The following NCMAP variants were observed in gnomAD, a reference collection of about 807,000 sequenced individuals.
NCMAP encodes non-compact myelin associated protein.
In NCMAP, 8 loss-of-function variants were observed where a neutral mutation model predicts 7.8. That is an observed-to-expected ratio of 1.02 (90% CI 0.60 to 1.84). The LOEUF is 1.84. Ranked by LOEUF, NCMAP falls within the 40% of genes most tolerant of loss-of-function variation. The pLI is 0.00. For missense variants in NCMAP, 112 were observed against 131.4 expected, an observed-to-expected ratio of 0.85 and a Z score of 0.72; for synonymous variants, 41 against 52.9, an observed-to-expected ratio of 0.78 and a Z score of 0.98.
intron 1 of NCMAP, among the ~76,000 whole-genome samples, chr1:24,564,905 C>G (rs369563836): frequency 7.9e-5 from 12 of 152,190 alleles, no homozygotes; most frequent in African/African-American, 1.2e-4. Context: ...CTCTTTCAAT[C>G]CAGAATTTTA....
chr1:24,586,327 C>T (rs569189970), intron 1 of NCMAP, among the ~76,000 whole-genome samples: 5 of 152,310 alleles, frequency 3.3e-5, no homozygotes, highest in African/African-American at 1.2e-4. Flanking sequence ...TCAAGGCTAA[C>T]AGGGATCAAT....
At chr1:24,568,299 A>T (rs954314510) in intron 1 of NCMAP, among the ~76,000 whole-genome samples, 14 of 152,356 alleles carry the variant, frequency 9.2e-5, no homozygotes, top group African/African-American at 2.9e-4. Flanking sequence ...CACAGCAGGA[A>T]GGAGAGGGAA....
rs529204244 is a variant in NCMAP at position 24,605,633 on chromosome 1, G to A, written c.195G>A (p.Glu65=). 1.9e-6 allele frequency: 3 copies of A among 1,614,218 alleles called. No homozygotes were observed. Among genetic ancestry groups the A allele is most frequent in the South Asian group, 2.2e-5 (2 of 91,088 alleles). Residue 65 remains glutamate (E), a synonymous_variant, in exon 4 of 4, where the codon GAG becomes GAA. Transcript: ENST00000374392. The stretch of plus-strand genomic sequence containing the variant: ...AAATGAGGACGAGGCGGGAACTAGA[G>A]CCCAAGGGCCCCAAGCCAACCGCCC... ...NRKMRTRREL[E]PKGPKPTAPS...
At position 24,594,869 on chromosome 1, in the gene NCMAP, C is replaced by A. The variant is rs577345264; in HGVS notation, c.-7-555C>A. 5.3e-5 allele frequency among the ~76,000 whole-genome samples: 8 copies of A among 150,858 alleles called. No individual in the cohort carries two copies. In the East Asian group the frequency reaches 1.4e-3, roughly 26 times the overall value. On this transcript the variant is annotated intron_variant, in intron 1 of 3. Coordinates refer to ENST00000374392, the MANE Select transcript of NCMAP (RefSeq NM_001010980.5). The stretch of plus-strand genomic sequence containing the variant: ...TTGCACCACTGCACTCCAGCCTGGG[C>A]GACAGGGCAAGACCTTTATGTAAAA...
In NCMAP at chr1:24,607,404, T is replaced by C. The variant is rs1271565638; in HGVS notation, c.*1657T>C. On this transcript the variant is annotated 3_prime_UTR_variant, in exon 4 of 4. Transcript: ENST00000374392. ...AAATCAGAACATATCTTGCAATTGA[T>C]GGGTTCATTAATATAATTGTAGTTC... is the stretch of plus-strand genomic sequence containing the variant. 2.6e-5 allele frequency: 4 copies of C among 152,156 alleles called. No homozygotes were observed. Among genetic ancestry groups the C allele is most frequent in the Admixed American group, 1.3e-4 (2 of 15,262 alleles). 9.4% of individuals were successfully genotyped at this position (152,156 alleles called of 1,614,324 possible).
chr1:24,595,200 A>T (rs544430711), intron 1 of NCMAP, among the ~76,000 whole-genome samples: 3 of 152,174 alleles, frequency 2.0e-5, no homozygotes, highest in Non-Finnish European at 4.4e-5. Context: ...TGGTTGAATA[A>T]ATTTAAGCAG....
At chr1:24,590,834 T>C (rs1652026378) in intron 1 of NCMAP, among the ~76,000 whole-genome samples, 1 of 152,190 alleles carries the variant, frequency 6.6e-6, no homozygotes, top group African/African-American at 2.4e-5. Context: ...GATTTCCCTG[T>C]CTCTAAGTTA....
chr1:24,602,588 A>G (rs979658043), intron 3 of NCMAP, among the ~76,000 whole-genome samples: 1 of 135,098 alleles, frequency 7.4e-6, no homozygotes, highest in Non-Finnish European at 1.5e-5. Flanking sequence ...AAAAAAAAAA[A>G]AAAAGAATAT....
At chr1:24,592,406 C>T (rs1164062000) in intron 1 of NCMAP, among the ~76,000 whole-genome samples, 7 of 151,908 alleles carry the variant, frequency 4.6e-5, no homozygotes, top group South Asian at 2.1e-4. Flanking sequence ...GTAGGTGCCA[C>T]GTTGATATTT....
intron 1 of NCMAP, among the ~76,000 whole-genome samples, chr1:24,585,033 A>C (rs1404436624): frequency 6.6e-6 from 1 of 151,970 alleles, no homozygotes; most frequent in African/African-American, 2.4e-5. Flanking sequence ...GGGTAAATGG[A>C]GCAGAAAATG....
At chr1:24,562,245 T>G (rs1036330656) in intron 1 of NCMAP, among the ~76,000 whole-genome samples, 8 of 152,230 alleles carry the variant, frequency 5.3e-5, no homozygotes, top group African/African-American at 1.7e-4. Context: ...ACAAGAATAA[T>G]TAACATTTTT....
intron 1 of NCMAP, among the ~76,000 whole-genome samples, chr1:24,578,216 A>G (rs1651642403): frequency 6.9e-6 from 1 of 144,140 alleles, no homozygotes; most frequent in South Asian, 2.2e-4. Context: ...AGATCATGCC[A>G]TTGCACTCCA....
chr1:24,577,970 T>G (rs77532731), intron 1 of NCMAP, among the ~76,000 whole-genome samples: 52,703 of 151,852 alleles, frequency 0.35, 9,965 homozygotes, highest in African/African-American at 0.5. Context: ...GTCTAAAAAA[T>G]GTACCAAATA....
rs1173299461 is a variant in NCMAP, at chr1:24,594,188, G to A, written c.-7-1236G>A. On this transcript the variant is annotated intron_variant, in intron 1 of 3. Coordinates refer to ENST00000374392, the MANE Select transcript of NCMAP (RefSeq NM_001010980.5). ...ATTACCGGCATAAGCCACCATGCCA[G>A]GCCCAGAGTGATTATAATATCATCG... Among the ~76,000 whole-genome samples, 3 of 152,128 alleles carry A rather than the reference G, an allele frequency of 2.0e-5. No homozygotes were observed. In the East Asian group the frequency reaches 5.8e-4, roughly 29 times the overall value.
chr1:24,597,694 G>GAAAGAAAGAAAGAAAGAA (rs138105001), intron 2 of NCMAP, among the ~76,000 whole-genome samples: 7 of 127,926 alleles, frequency 5.5e-5, no homozygotes, highest in Middle Eastern at 4.9e-3. Flanking sequence ...AAGAAAGAAA[G>GAAAGAAAGAAAGAAAGAA]AGAAAGAAGG....
At chr1:24,558,810 C>T (rs1302476316) in intron 1 of NCMAP, among the ~76,000 whole-genome samples, 1 of 152,178 alleles carries the variant, frequency 6.6e-6, no homozygotes, top group East Asian at 1.9e-4. Context: ...CAGCTTTCCA[C>T]ACTCAGTAAG....
intron 1 of NCMAP, among the ~76,000 whole-genome samples, chr1:24,569,525 T>C (rs946997239): frequency 2.0e-5 from 3 of 150,216 alleles, no homozygotes; most frequent in Non-Finnish European, 4.4e-5. Context: ...ATAGTAACAA[T>C]GTTCATTGAT....
intron 1 of NCMAP, among the ~76,000 whole-genome samples, chr1:24,569,821 T>C (rs1455918930): frequency 6.6e-6 from 1 of 150,886 alleles, no homozygotes; most frequent in Non-Finnish European, 1.5e-5. Context: ...CATTAAATGC[T>C]CCTCTTACTT....
intron 2 of NCMAP, among the ~76,000 whole-genome samples, chr1:24,596,217 G>A (rs1181243643): frequency 2.0e-5 from 3 of 152,192 alleles, no homozygotes; most frequent in Non-Finnish European, 2.9e-5. Flanking sequence ...AGGTTGCAGT[G>A]AGCTGAGATC....
Sources: allele counts gnomAD v4.1 joint callset (sites outside exome capture counted in the v4.1 genomes callset), GRCh38; gene constraint gnomAD v4.1.1; transcripts MANE v1.5; gene names NCBI Gene and HGNC (gene_info 2026-07-23, HGNC 2026-07-21).